The following ATG4C variants were observed in gnomAD, a reference collection of about 807,000 sequenced individuals.
ATG4C encodes autophagy related 4C cysteine peptidase.
Under a neutral mutation model 57.6 loss-of-function variants are expected in ATG4C, and 56 were observed. The observed-to-expected ratio is 0.97, with a 90% CI of 0.78 to 1.21. The LOEUF (loss-of-function observed/expected upper bound fraction) is 1.21, where lower values mean the gene tolerates loss of function less well. ATG4C is among the 50% of genes most tolerant of loss of function. The probability of loss-of-function intolerance (pLI) is 0.00; values close to 1 mark genes in which losing one functional copy is unlikely to be tolerated. For missense variants in ATG4C, 595 were observed against 529.8 expected, an observed-to-expected ratio of 1.12 and a Z score of -1.21; for synonymous variants, 157 against 174.1, an observed-to-expected ratio of 0.90 and a Z score of 0.78.
At chr1:62,850,854 GTATATATATATATATATATATATATATA>G (rs1161449502) in intron 10 of ATG4C, among the ~76,000 whole-genome samples, 30 of 84,146 alleles carry the variant, frequency 3.6e-4, no homozygotes, top group Middle Eastern at 7.4e-3. Flanking sequence ...GTGTATGTAT[GTATATATATATATATATATATATATATA>G]TATATATATA....
rs976410380 is a variant in ATG4C at position 62,829,485 on chromosome 1, A to G, written c.933+309A>G. On this transcript the variant is annotated intron_variant, in intron 7 of 10. Coordinates refer to ENST00000317868, the MANE Select transcript of ATG4C (RefSeq NM_032852.4). ...ATTATTCTTATTTGTAATTTTAAGT[A>G]TATATCTTTATTCATAAAACTAGCA... Among the ~76,000 whole-genome samples, 33 of 152,096 alleles carry G rather than the reference A, an allele frequency of 2.2e-4. 1 individual carries two copies. The highest frequency in any genetic ancestry group is 4.4e-5 in the Non-Finnish European group (3 of 67,966).
At chr1:62,845,677 G>T (rs1200325108) in intron 10 of ATG4C, among the ~76,000 whole-genome samples, 1 of 151,214 alleles carries the variant, frequency 6.6e-6, no homozygotes, top group Non-Finnish European at 1.5e-5. Context: ...TTCACATTTA[G>T]AACTTGTATA....
intron 1 of ATG4C, among the ~76,000 whole-genome samples, chr1:62,786,170 C>G (rs1226853507): frequency 2.0e-5 from 3 of 152,128 alleles, no homozygotes; most frequent in Non-Finnish European, 4.4e-5. Flanking sequence ...TCGACTCTTC[C>G]CACTGTACAA....
intron 3 of ATG4C, among the ~76,000 whole-genome samples, chr1:62,813,026 C>T (rs1398282307): frequency 6.6e-6 from 1 of 152,182 alleles, no homozygotes; most frequent in East Asian, 1.9e-4. Flanking sequence ...GAATCAATAT[C>T]ATGAAAATGG....
chr1:62,812,400 G>A (rs1478202072), intron 3 of ATG4C, among the ~76,000 whole-genome samples: 5 of 152,118 alleles, frequency 3.3e-5, no homozygotes, highest in Non-Finnish European at 7.3e-5. Context: ...ATGCAGAAAA[G>A]GCCTTCGATA....
chr1:62,836,052 T>C (rs1665990827), intron 9 of ATG4C, among the ~76,000 whole-genome samples: 1 of 152,058 alleles, frequency 6.6e-6, no homozygotes, highest in Non-Finnish European at 1.5e-5. Flanking sequence ...TAAAAGATTA[T>C]TGGTCTGATT....
At chr1:62,791,485 A>G (rs1664273003) in intron 1 of ATG4C, among the ~76,000 whole-genome samples, 1 of 152,174 alleles carries the variant, frequency 6.6e-6, no homozygotes, top group Admixed American at 6.5e-5. Flanking sequence ...TTTATTCCTT[A>G]TAGTTAACAA....
In ATG4C at chr1:62,819,140, C is replaced by A; in HGVS notation, c.530C>A (p.Ser177Tyr). The A allele has an allele frequency of 1.2e-6, 2 of 1,613,252 alleles. No individual in the cohort carries two copies. The highest frequency in any genetic ancestry group is 1.7e-6 in the Non-Finnish European group (2 of 1,179,610). The change falls in exon 5 of 11, where the codon TCT (serine) becomes TAT (tyrosine). Residue 177 changes from serine to tyrosine, a missense_variant. Transcript: ENST00000317868. The part of the protein sequence containing the change: ...GEREFKTPTI[S>Y]LKETIGKYSD... ...AGAGAATTCAAAACCCCAACAATTT[C>A]TCTGAAGGAAACAATTGGGAAATAT...
At chr1:62,788,624 A>G (rs1053438970) in intron 1 of ATG4C, among the ~76,000 whole-genome samples, 1 of 152,226 alleles carries the variant, frequency 6.6e-6, no homozygotes, top group Non-Finnish European at 1.5e-5. Flanking sequence ...ATTGTCTAAT[A>G]TGCAGTCCAT....
At position 62,828,889 on chromosome 1, in the gene ATG4C, T is replaced by A. The variant is rs1238858294; in HGVS notation, c.797-151T>A. On this transcript the variant is annotated intron_variant, in intron 6 of 10. Transcript: ENST00000317868. ...GTGTATGGCTAGCCAGTTATCCTAG[T>A]GGTATTTTTAACTTACTAAGACATT... The A allele has an allele frequency of 6.4e-6, 4 of 623,666 alleles. No individual in the cohort carries two copies. In the East Asian group the frequency reaches 9.0e-5, roughly 14 times the overall value. The allele number at this position is 623,666 out of a possible 1,614,324, so 38.6% of individuals were successfully genotyped here. A position where few individuals can be genotyped will look rare whatever the true frequency, so the allele number is the denominator to read the frequency against.
At chr1:62,853,767 A>T (rs1666593625) in intron 10 of ATG4C, among the ~76,000 whole-genome samples, 1 of 152,058 alleles carries the variant, frequency 6.6e-6, no homozygotes, top group African/African-American at 2.4e-5. Context: ...TTTATCCCTA[A>T]TATTTTGAAG....
chr1:62,861,694 T>G (rs1312997743), intron 10 of ATG4C, among the ~76,000 whole-genome samples: 1 of 152,112 alleles, frequency 6.6e-6, no homozygotes, highest in East Asian at 1.9e-4. Flanking sequence ...TTGTTATCTT[T>G]CAGTCTTTTC....
At position 62,829,154 on chromosome 1, in the gene ATG4C, C is replaced by T. The variant is rs1256230270; in HGVS notation, c.911C>T (p.Thr304Ile). 2.9e-5 allele frequency: 47 copies of T among 1,612,766 alleles called. No individual in the cohort carries two copies. Among genetic ancestry groups the T allele is most frequent in the Non-Finnish European group, 4.0e-5 (47 of 1,179,296 alleles). Residue 304 changes from threonine to isoleucine, a missense_variant, in exon 7 of 11, where the codon ACC (threonine) becomes ATC (isoleucine). Coordinates refer to ENST00000317868, the MANE Select transcript of ATG4C (RefSeq NM_032852.4). ...PVRLGGERTN[T>I]DYLEFVKGIL... ...AGACTTGGTGGAGAAAGAACCAACA[C>T]CGACTACTTAGAATTTGTGAAGGTA...
chr1:62,816,399 A>T (rs982723548), intron 3 of ATG4C, among the ~76,000 whole-genome samples, 176 bp from the exon 4 acceptor site: 2 of 152,178 alleles, frequency 1.3e-5, no homozygotes, highest in Non-Finnish European at 2.9e-5. Context: ...CTTGATTTTC[A>T]TAGGCAGTCA....
At chr1:62,832,975 G>C (rs906468779) in intron 7 of ATG4C, among the ~76,000 whole-genome samples, 2 of 152,162 alleles carry the variant, frequency 1.3e-5, no homozygotes, top group Admixed American at 1.3e-4. Context: ...GTGTATGTAT[G>C]TAATGTAGAC....
At chr1:62,799,872 A>AT (rs35368838) in intron 1 of ATG4C, among the ~76,000 whole-genome samples, 11,196 of 141,324 alleles carry the variant, frequency 0.079, 471 homozygotes, top group Admixed American at 0.11. Context: ...CATTCTTTCT[A>AT]TTTTTTTTTT....
At chr1:62,800,610 T>C (rs1217619763) in intron 1 of ATG4C, among the ~76,000 whole-genome samples, 1 of 152,222 alleles carries the variant, frequency 6.6e-6, no homozygotes, top group East Asian at 1.9e-4. Flanking sequence ...CAGATTTTGC[T>C]AAATTATGTA....
chr1:62,795,761 T>G (rs1214889225), intron 1 of ATG4C, among the ~76,000 whole-genome samples: 2 of 151,936 alleles, frequency 1.3e-5, no homozygotes, highest in African/African-American at 4.8e-5. Context: ...TGCAGGAGTT[T>G]AAGTCTGCAG....
At chr1:62,850,263 G>A (rs1666463515) in intron 10 of ATG4C, among the ~76,000 whole-genome samples, 1 of 151,962 alleles carries the variant, frequency 6.6e-6, no homozygotes, top group African/African-American at 2.4e-5. Context: ...CTTAGAATTT[G>A]ATAATTTCTC....
Sources: gnomAD v4.1 joint callset for allele counts (sites outside exome capture counted in the v4.1 genomes callset) on GRCh38, gnomAD v4.1.1 for gene constraint, MANE v1.5 for transcripts, NCBI Gene and HGNC (gene_info 2026-07-23, HGNC 2026-07-21) for gene names.